P2RY8: variants seen among roughly 807,000 people sequenced by gnomAD.
The protein encoded by P2RY8 is S-geranylgeranyl-glutathione receptor P2RY8.
In P2RY8, 6 loss-of-function variants were observed where a neutral mutation model predicts 10.0. The ratio of observed to expected loss-of-function variants is 0.60; its 90% CI spans 0.33 to 1.19. P2RY8 has a LOEUF of 1.19. Ranked by LOEUF, P2RY8 falls within the 50% of genes most tolerant of loss-of-function variation. The probability of loss-of-function intolerance (pLI) is 0.04; values close to 1 mark genes in which losing one functional copy is unlikely to be tolerated. For synonymous variants in P2RY8, 276 were observed against 252.5 expected (o/e 1.09, Z -0.88); for missense variants, 456 against 542.0 (o/e 0.84, Z 1.58).
chrX:1,500,036 T>C, intron 1 of P2RY8, among the ~76,000 whole-genome samples: 2 of 123,442 alleles, frequency 1.6e-5, no homozygotes, highest in Admixed American at 9.5e-5. Flanking sequence ...TTTTTTGTAT[T>C]TTTAGTAGAG....
At chrX:1,533,085 C>A (rs1391376792) in intron 1 of P2RY8, among the ~76,000 whole-genome samples, 3 of 146,966 alleles carry the variant, frequency 2.0e-5, no homozygotes, top group African/African-American at 7.5e-5. Context: ...AACTCCAGGG[C>A]AAAGATTGGG....
At chrX:1,469,311 G>GC (rs2091751261) in intron 1 of P2RY8, among the ~76,000 whole-genome samples, 1 of 150,576 alleles carries the variant, frequency 6.6e-6, no homozygotes, top group Non-Finnish European at 1.5e-5. Flanking sequence ...TTACATGCAT[G>GC]CACCACCACG....
chrX:1,465,121 G>C lies in P2RY8; in HGVS notation c.*358C>G. ...TGGACAGGTGTGAGGAGTGTCTAAG[G>C]AGCTCGGGGGTGACAGCCCAGCTCT... is the stretch of plus-strand genomic sequence containing the variant. On this transcript the variant is annotated 3_prime_UTR_variant, in exon 2 of 2. Coordinates refer to ENST00000381297, the MANE Select transcript of P2RY8 (RefSeq NM_178129.5). 2.7e-6 allele frequency: 1 copy of C among 370,352 alleles called. No homozygotes were observed. The highest frequency in any genetic ancestry group is 4.4e-5 in the East Asian group (1 of 22,884). 22.9% of individuals were successfully genotyped at this position (370,352 alleles called of 1,614,324 possible).
Position 1,465,844 on chromosome X carries a change from C to A in P2RY8, c.715G>T (p.Ala239Ser). The change falls in exon 2 of 2, where the codon GCC (alanine) becomes TCC (serine). Residue 239 changes from alanine (A) to serine (S), a missense_variant. By Grantham distance (99) the Ala-to-Ser change is moderately conservative. Transcript: ENST00000381297. ...ACAAAGGCCAGCAAGACCACCGCGGCCAGGCCCACCGCGCGCCTCCGCTGC... is the reference window on the plus strand; with the variant it reads ...ACAAAGGCCAGCAAGACCACCGCGGACAGGCCCACCGCGCGCCTCCGCTGC... ...REQRRRAVGLAAVVLLAFVTC... is the reference protein window; with the variant it reads ...REQRRRAVGLSAVVLLAFVTC... 6.2e-7 allele frequency: 1 copy of A among 1,612,824 alleles called. No individual in the cohort carries two copies. The highest frequency in any genetic ancestry group is 8.5e-7 in the Non-Finnish European group (1 of 1,179,706).
chrX:1,465,030 C>A lies in P2RY8; in HGVS notation c.*449G>T. 1 of 257,728 alleles carries A rather than the reference C, an allele frequency of 3.9e-6. No homozygotes were observed. The allele number at this position is 257,728 out of a possible 1,614,324, so 16.0% of individuals were successfully genotyped here. On this transcript the variant is annotated 3_prime_UTR_variant, in exon 2 of 2. Transcript: ENST00000381297. ...CTGGGAATGGGGCTCGCAGTTCGCC[C>A]ACGGAGGATATCCAGAAACCGAGTC...
chrX:1,481,160 G>A (rs2091930634), intron 1 of P2RY8, among the ~76,000 whole-genome samples: 1 of 141,910 alleles, frequency 7.0e-6, no homozygotes, highest in Non-Finnish European at 1.5e-5. Flanking sequence ...TCACTCTGCA[G>A]CACGCAATAC....
At chrX:1,486,845 A>T (rs1223332821) in intron 1 of P2RY8, among the ~76,000 whole-genome samples, 2 of 152,132 alleles carry the variant, frequency 1.3e-5, no homozygotes, top group Non-Finnish European at 2.9e-5. Context: ...GCCCGCGCTG[A>T]GTCCTGAATG....
At chrX:1,491,447 C>T (rs1715747842) in intron 1 of P2RY8, among the ~76,000 whole-genome samples, 1 of 152,198 alleles carries the variant, frequency 6.6e-6, no homozygotes, top group East Asian at 1.9e-4. Flanking sequence ...GCTTGATAAA[C>T]GAATGGGTGA....
At chrX:1,535,820 G>A (rs1288327656) in intron 1 of P2RY8, among the ~76,000 whole-genome samples, 2 of 151,820 alleles carry the variant, frequency 1.3e-5, no homozygotes, top group Non-Finnish European at 2.9e-5. Flanking sequence ...GACCTAAAGC[G>A]CCACAGCAGG....
At chrX:1,512,546 CAA>C (rs573449530) in intron 1 of P2RY8, among the ~76,000 whole-genome samples, 4 of 97,060 alleles carry the variant, frequency 4.1e-5, no homozygotes, top group African/African-American at 1.7e-4. Flanking sequence ...GACTCCGTCT[CAA>C]AAAAAAAAAA....
Position 1,465,047 on chromosome X carries a change from A to T in P2RY8, c.*432T>A. 3.8e-6 allele frequency: 1 copy of T among 260,102 alleles called. No individual in the cohort carries two copies. The allele number at this position is 260,102 out of a possible 1,614,324, so 16.1% of individuals were successfully genotyped here. A position where few individuals can be genotyped will look rare whatever the true frequency, so the allele number is the denominator to read the frequency against. ...AGTTCGCCCACGGAGGATATCCAGA[A>T]ACCGAGTCGGGTAGGCGGTGGGGCT... On this transcript the variant is annotated 3_prime_UTR_variant, in exon 2 of 2. Coordinates refer to ENST00000381297, the MANE Select transcript of P2RY8 (RefSeq NM_178129.5).
intron 1 of P2RY8, among the ~76,000 whole-genome samples, chrX:1,508,406 G>C (rs1356860160): frequency 6.6e-6 from 1 of 152,130 alleles, no homozygotes; most frequent in Non-Finnish European, 1.5e-5. Context: ...TACACTGCAC[G>C]GGACGGCCCT....
chrX:1,468,084 C>T (rs1399840525), intron 1 of P2RY8, among the ~76,000 whole-genome samples: 2 of 150,984 alleles, frequency 1.3e-5, no homozygotes, highest in Non-Finnish European at 2.9e-5. Context: ...ACTGCAGGTG[C>T]ATGCCACCCT....
At chrX:1,515,744 G>A (rs1466702468) in intron 1 of P2RY8, among the ~76,000 whole-genome samples, 1 of 151,996 alleles carries the variant, frequency 6.6e-6, no homozygotes, top group Non-Finnish European at 1.5e-5. Context: ...TTGTCTGAAG[G>A]TTTATATCAC....
intron 1 of P2RY8, among the ~76,000 whole-genome samples, chrX:1,468,079 A>C (rs780525756): frequency 6.6e-6 from 1 of 151,218 alleles, no homozygotes; most frequent in South Asian, 2.1e-4. Flanking sequence ...CTGGGACTGC[A>C]GGTGCATGCC....
At position 1,462,977 on chromosome X, in the gene P2RY8, CAA is replaced by C. The variant is rs60116199; in HGVS notation, c.*2500_*2501del. 6,935 of 201,812 alleles carry C rather than the reference CAA, an allele frequency of 0.034. 84 individuals carry two copies. Among genetic ancestry groups the C allele is most frequent in the Middle Eastern group, 0.044 (28 of 632 alleles). 12.5% of individuals were successfully genotyped at this position (201,812 alleles called of 1,614,324 possible). A position where few individuals can be genotyped will look rare whatever the true frequency, so the allele number is the denominator to read the frequency against. On this transcript the variant is annotated 3_prime_UTR_variant, in exon 2 of 2. Transcript: ENST00000381297. ...GTGGCTGCAAAAATCATCATACTGA[CAA>C]AAAAAAAAAATCGACGCATTTTGCC...
chrX:1,534,217 C>T (rs2092507722), intron 1 of P2RY8, among the ~76,000 whole-genome samples: 1 of 135,236 alleles, frequency 7.4e-6, no homozygotes. Context: ...TATATACTTA[C>T]TATTTATATA....
intron 1 of P2RY8, among the ~76,000 whole-genome samples, chrX:1,497,489 G>A (rs2092128983): frequency 6.6e-6 from 1 of 150,620 alleles, no homozygotes; most frequent in Non-Finnish European, 1.5e-5. Flanking sequence ...GAAACCCTGT[G>A]TCTACTAAAG....
chrX:1,477,787 A>C (rs2091892095), intron 1 of P2RY8, among the ~76,000 whole-genome samples: 1 of 152,208 alleles, frequency 6.6e-6, no homozygotes, highest in Non-Finnish European at 1.5e-5. Flanking sequence ...TGACAAGAGC[A>C]GCCTTCAACA....
Sources: allele counts gnomAD v4.1 joint callset (sites outside exome capture counted in the v4.1 genomes callset), GRCh38; gene constraint gnomAD v4.1.1; transcripts MANE v1.5; gene names NCBI Gene and HGNC (gene_info 2026-07-23, HGNC 2026-07-21).